DYNC2LI1: variants seen among roughly 807,000 people sequenced by gnomAD.
The protein encoded by DYNC2LI1 is cytoplasmic dynein 2 light intermediate chain 1.
In DYNC2LI1, 45 loss-of-function variants were observed where a neutral mutation model predicts 51.9. The ratio of observed to expected loss-of-function variants is 0.87; its 90% CI spans 0.68 to 1.11. The LOEUF (loss-of-function observed/expected upper bound fraction) is 1.11. DYNC2LI1 is among the 50% of genes most tolerant of loss of function. The pLI is 0.00. For synonymous variants in DYNC2LI1, 130 were observed against 137.8 expected (o/e 0.94, Z 0.40); for missense variants, 490 against 417.4 (o/e 1.17, Z -1.51).
chr2:43,800,461 A>G (rs982394191), intron 8 of DYNC2LI1, among the ~76,000 whole-genome samples: 2 of 152,096 alleles, frequency 1.3e-5, no homozygotes, highest in Non-Finnish European at 2.9e-5. Flanking sequence ...AACCAACCCA[A>G]CTGCATTTTG....
At chr2:43,819,545 C>T in the DYNC2LI1 span, among the ~76,000 whole-genome samples, 1 of 151,012 alleles carries the variant, frequency 6.6e-6, no homozygotes, top group Non-Finnish European at 1.5e-5. Flanking sequence ...AACTGCAGTT[C>T]ACACTCAACA....
At chr2:43,776,298 A>G (rs1673017717) in intron 1 of DYNC2LI1, among the ~76,000 whole-genome samples, 1 of 152,154 alleles carries the variant, frequency 6.6e-6, no homozygotes, top group Non-Finnish European at 1.5e-5. Flanking sequence ...ATATACTTTT[A>G]TATTAAACAA....
the DYNC2LI1 span, among the ~76,000 whole-genome samples, chr2:43,827,517 C>G: frequency 2.6e-5 from 4 of 152,240 alleles, no homozygotes; most frequent in South Asian, 2.1e-4. Context: ...ATGACCAAAC[C>G]TGGCAGAGGA....
chr2:43,822,484 C>CCG, the DYNC2LI1 span: 1 of 916,892 alleles, frequency 1.1e-6, no homozygotes, highest in Non-Finnish European at 1.3e-6. Flanking sequence ...CCAGGCCCCC[C>CCG]CCCATGCACC....
Position 43,794,696 on chromosome 2 carries a change from A to G in DYNC2LI1, c.507+53A>G, listed in dbSNP as rs1307683073. On this transcript the variant is annotated intron_variant, in intron 6 of 12. Transcript: ENST00000260605. ...GAATCCTTAGTCCCATTTATAGTTA[A>G]TGATAACATCACAAACAACTTCTTT... 4 of 1,613,412 alleles carry G rather than the reference A, an allele frequency of 2.5e-6. No homozygotes were observed. The African/African-American group carries it at 4.0e-5, about 16-fold the overall frequency.
rs371545954 is a variant in DYNC2LI1, at chr2:43,774,131, C to T, written c.-8C>T. 6 of 1,613,932 alleles carry T rather than the reference C, an allele frequency of 3.7e-6. No homozygotes were observed. Among genetic ancestry groups the T allele is most frequent in the African/African-American group, 1.3e-5 (1 of 75,034 alleles). On this transcript the variant is annotated 5_prime_UTR_variant, in exon 1 of 13. Transcript: ENST00000260605. Reference sequence around the variant, plus strand: ...CCTGTGACGTTTGCGGCAGCCAGGCCGTCGACGATGCCCAGGTATTCCCTG... The same window carrying T: ...CCTGTGACGTTTGCGGCAGCCAGGCTGTCGACGATGCCCAGGTATTCCCTG...
rs373994799 is a variant in DYNC2LI1, at chr2:43,806,283, G to C, written c.993+1037G>C. ...TCCTTATATGAGTAAACTTATATAT[G>C]CTAAGCACTAGATCGAAAGCCCCAG... is the stretch of plus-strand genomic sequence containing the variant. On this transcript the variant is annotated intron_variant, in intron 12 of 12. Coordinates refer to ENST00000260605, the MANE Select transcript of DYNC2LI1 (RefSeq NM_016008.4). Among the ~76,000 whole-genome samples the C allele has an allele frequency of 3.1e-3, 468 of 152,292 alleles. 4 individuals carry two copies. The highest frequency in any genetic ancestry group is 0.011 in the African/African-American group (444 of 41,562).
chr2:43,809,692 A>G lies in DYNC2LI1; in HGVS notation c.994-13A>G, dbSNP rs767296669. 1 of 1,594,878 alleles carries G rather than the reference A, an allele frequency of 6.3e-7. No individual in the cohort carries two copies. The highest frequency in any genetic ancestry group is 1.7e-5 in the Admixed American group (1 of 57,254). On this transcript the variant is annotated splice_polypyrimidine_tract_variant and intron_variant, in intron 12 of 12. Transcript: ENST00000260605. ...GTTGATTTTTCTTAAAGTGATACAT[A>G]TTTTTGTTTTAGGAACTGGAACAGT...
At chr2:43,813,967 C>G (rs1666654816), downstream of DYNC2LI1, among the ~76,000 whole-genome samples, 1 of 152,150 alleles carries the variant, frequency 6.6e-6, no homozygotes, top group East Asian at 1.9e-4. Flanking sequence ...GATCCAACCT[C>G]CGACTCCCAA....
chr2:43,794,402 T>C, intron 5 of DYNC2LI1, 55 bp from the exon 6 acceptor site: 1 of 1,506,422 alleles, frequency 6.6e-7, no homozygotes, highest in Non-Finnish European at 8.9e-7. Flanking sequence ...TACATTAGGA[T>C]TTCAAAATGG....
In DYNC2LI1 at chr2:43,809,729, T is replaced by C. The variant is rs1572729075; in HGVS notation, c.1018T>C (p.Ser340Pro). The C allele has an allele frequency of 6.2e-7, 1 of 1,612,068 alleles. No individual in the cohort carries two copies. The highest frequency in any genetic ancestry group is 8.5e-7 in the Non-Finnish European group (1 of 1,179,066). The change falls in exon 13 of 13, where the codon TCT becomes CCT. Residue 340 changes from serine (S) to proline (P), a missense_variant. Transcript: ENST00000260605. Reference sequence around the variant, plus strand: ...GGAACTGGAACAGTACAAAAGAAGTTCTTCCAAGTCTTGGAAACAAATCGA... The same window carrying C: ...GGAACTGGAACAGTACAAAAGAAGTCCTTCCAAGTCTTGGAAACAAATCGA... Reference protein sequence around the residue: ...DLELEQYKRSSSKSWKQIELD... With the variant: ...DLELEQYKRSPSKSWKQIELD...
At chr2:43,816,236 T>C in the DYNC2LI1 span, among the ~76,000 whole-genome samples, 6 of 152,248 alleles carry the variant, frequency 3.9e-5, no homozygotes, top group African/African-American at 1.2e-4. Context: ...CAAGGCCTAA[T>C]TGGGCTGGCT....
the DYNC2LI1 span, among the ~76,000 whole-genome samples, chr2:43,821,181 A>G: frequency 6.6e-6 from 1 of 152,182 alleles, no homozygotes; most frequent in Admixed American, 6.5e-5. Flanking sequence ...TGTACAAATC[A>G]TGAAGTTTGC....
chr2:43,816,979 C>T, the DYNC2LI1 span, among the ~76,000 whole-genome samples: 1 of 152,108 alleles, frequency 6.6e-6, no homozygotes, highest in African/African-American at 2.4e-5. Flanking sequence ...AGAAGGGAGC[C>T]AACAGCACAA....
At chr2:43,791,946 A>G (rs1673813700) in intron 5 of DYNC2LI1, among the ~76,000 whole-genome samples, 1 of 152,188 alleles carries the variant, frequency 6.6e-6, no homozygotes, top group South Asian at 2.1e-4. Context: ...CTGTAAACAA[A>G]AATTTTAATC....
At chr2:43,804,780 C>T in intron 11 of DYNC2LI1, 41 bp downstream of exon 11, 1 of 1,291,422 alleles carries the variant, frequency 7.7e-7, no homozygotes, top group Non-Finnish European at 1.1e-6. Context: ...ACTTTTAGCA[C>T]TGTCTAACAG....
At chr2:43,822,864 C>A in the DYNC2LI1 span, 1 of 1,614,136 alleles carries the variant, frequency 6.2e-7, no homozygotes. Context: ...AGTGCATAGG[C>A]CAGCATCATC....
intron 4 of DYNC2LI1, among the ~76,000 whole-genome samples, chr2:43,788,368 G>T (rs1211545453): frequency 6.6e-6 from 1 of 152,196 alleles, no homozygotes; most frequent in Non-Finnish European, 1.5e-5. Flanking sequence ...CCAGGCTCAT[G>T]GGAGCAGATA....
the DYNC2LI1 span, among the ~76,000 whole-genome samples, chr2:43,819,237 C>T: frequency 6.6e-6 from 1 of 151,958 alleles, no homozygotes; most frequent in Non-Finnish European, 1.5e-5. Flanking sequence ...CATTTTTAGC[C>T]TTTTAAAATT....
Sources: allele counts gnomAD v4.1 joint callset (sites outside exome capture counted in the v4.1 genomes callset), GRCh38; gene constraint gnomAD v4.1.1; transcripts MANE v1.5; gene names NCBI Gene and HGNC (gene_info 2026-07-23, HGNC 2026-07-21).